Variants in DPYSL3 observed in about 807,000 individuals in gnomAD.
DPYSL3 encodes dihydropyrimidinase-related protein 3.
DPYSL3 carries 16 observed loss-of-function variants against 66.1 expected under a neutral mutation model. That is an observed-to-expected ratio of 0.24 (90% CI 0.16 to 0.37). DPYSL3 has a LOEUF of 0.37. DPYSL3 is among the 10% of genes least tolerant of loss of function. The probability of loss-of-function intolerance (pLI) is 1.00; values close to 1 mark genes in which losing one functional copy is unlikely to be tolerated. For synonymous variants in DPYSL3, 338 were observed against 345.1 expected, an observed-to-expected ratio of 0.98 and a Z score of 0.23; for missense variants, 738 against 916.2, an observed-to-expected ratio of 0.81 and a Z score of 2.51.
chr5:147,402,201 C>T (rs1758201657), intron 8 of DPYSL3, among the ~76,000 whole-genome samples: 1 of 152,146 alleles, frequency 6.6e-6, no homozygotes, highest in African/African-American at 2.4e-5. Flanking sequence ...GCTTTCTTTA[C>T]CTGTTATGCC....
At chr5:147,451,121 C>G (rs1406957102) in intron 1 of DPYSL3, among the ~76,000 whole-genome samples, 1 of 152,152 alleles carries the variant, frequency 6.6e-6, no homozygotes, top group Non-Finnish European at 1.5e-5. Context: ...AAAATAGATT[C>G]CTTGTTCATG....
At chr5:147,501,646 T>C (rs1738339311) in intron 1 of DPYSL3, among the ~76,000 whole-genome samples, 1 of 152,020 alleles carries the variant, frequency 6.6e-6, no homozygotes, top group Non-Finnish European at 1.5e-5. Flanking sequence ...ACTTGGCTAA[T>C]ATTTGTATTT....
At chr5:147,459,412 G>C (rs1019059578) in intron 1 of DPYSL3, among the ~76,000 whole-genome samples, 1 of 152,000 alleles carries the variant, frequency 6.6e-6, no homozygotes, top group Non-Finnish European at 1.5e-5. Flanking sequence ...TTTAATCTTA[G>C]AGCTGCCTTA....
At chr5:147,421,044 G>A (rs986845429) in intron 2 of DPYSL3, among the ~76,000 whole-genome samples, 10 of 152,262 alleles carry the variant, frequency 6.6e-5, no homozygotes, top group South Asian at 4.1e-4. Flanking sequence ...GAAATAAAGC[G>A]TATTCAAATA....
chr5:147,491,916 T>C (rs1386554382), intron 1 of DPYSL3, among the ~76,000 whole-genome samples: 1 of 151,974 alleles, frequency 6.6e-6, no homozygotes, highest in Admixed American at 6.6e-5. Flanking sequence ...CAGATTAACA[T>C]CAGGCACTAA....
intron 1 of DPYSL3, among the ~76,000 whole-genome samples, chr5:147,449,005 T>C (rs1035143281): frequency 3.3e-5 from 5 of 152,232 alleles, no homozygotes; most frequent in African/African-American, 1.2e-4. Flanking sequence ...CAAGATGCCT[T>C]GCACAGAGAG....
At chr5:147,458,654 C>T (rs189573970) in intron 1 of DPYSL3, among the ~76,000 whole-genome samples, 82 of 152,258 alleles carry the variant, frequency 5.4e-4, no homozygotes, top group Non-Finnish European at 9.4e-4. Context: ...TCCCTTCAAA[C>T]GGTGACCATA....
Position 147,497,012 on chromosome 5 carries a change from A to G in DPYSL3, c.381+12466T>C, listed in dbSNP as rs139902235. Among the ~76,000 whole-genome samples, 707 of 152,340 alleles carry G rather than the reference A, an allele frequency of 4.6e-3. 9 individuals carry two copies. The highest frequency in any genetic ancestry group is 0.016 in the African/African-American group (668 of 41,568). ...CTTGGAACCAACCTAAATGTCCAAC[A>G]GCGATAGACTGAATTAAGAAAATGT... On this transcript the variant is annotated intron_variant, in intron 1 of 13. Transcript: ENST00000343218.
intron 8 of DPYSL3, among the ~76,000 whole-genome samples, chr5:147,402,970 G>T (rs2152017959): frequency 6.6e-6 from 1 of 152,174 alleles, no homozygotes; most frequent in Admixed American, 6.5e-5. Flanking sequence ...TTTAACTTTG[G>T]TCCTCCAACT....
chr5:147,434,126 C>T (rs572243068), intron 1 of DPYSL3, among the ~76,000 whole-genome samples: 51 of 152,008 alleles, frequency 3.4e-4, no homozygotes, highest in South Asian at 2.5e-3. Flanking sequence ...CTTGTAATAT[C>T]GATGTACTGT....
chr5:147,479,210 T>C (rs1246717125), intron 1 of DPYSL3, among the ~76,000 whole-genome samples: 1 of 152,166 alleles, frequency 6.6e-6, no homozygotes, highest in East Asian at 1.9e-4. Flanking sequence ...ATACAATTAC[T>C]GAAATGAGGG....
intron 1 of DPYSL3, among the ~76,000 whole-genome samples, chr5:147,483,615 A>G (rs1444513303): frequency 1.3e-5 from 2 of 152,208 alleles, no homozygotes; most frequent in Admixed American, 6.5e-5. Flanking sequence ...CTATGAGTCA[A>G]CCCTGTGGCA....
At chr5:147,427,256 T>G (rs1461484639) in intron 1 of DPYSL3, among the ~76,000 whole-genome samples, 1 of 152,210 alleles carries the variant, frequency 6.6e-6, no homozygotes, top group Non-Finnish European at 1.5e-5. Flanking sequence ...ATAACAATGT[T>G]CTACTGTAGC....
chr5:147,454,359 G>C (rs1752807109), intron 1 of DPYSL3: 1 of 152,244 alleles, frequency 6.6e-6, no homozygotes, highest in African/African-American at 2.4e-5. Flanking sequence ...AGACTGGTCC[G>C]ACTCTGCAAC....
chr5:147,472,289 A>G (rs1326323461), intron 1 of DPYSL3, among the ~76,000 whole-genome samples: 1 of 152,214 alleles, frequency 6.6e-6, no homozygotes, highest in African/African-American at 2.4e-5. Context: ...TCAGAAAGAG[A>G]TGGCTAAGTG....
At chr5:147,499,296 C>G (rs1295549095) in intron 1 of DPYSL3, among the ~76,000 whole-genome samples, 1 of 152,064 alleles carries the variant, frequency 6.6e-6, no homozygotes, top group Non-Finnish European at 1.5e-5. Flanking sequence ...GTGATTATAG[C>G]AAGGTTGCAG....
At chr5:147,440,172 A>G (rs183084071) in intron 1 of DPYSL3, among the ~76,000 whole-genome samples, 3,807 of 152,138 alleles carry the variant, frequency 0.025, 148 homozygotes, top group African/African-American at 0.082. Context: ...GCATGGTGAC[A>G]GGCGCCTGTA....
At chr5:147,435,973 G>A (rs1752407696) in intron 1 of DPYSL3, among the ~76,000 whole-genome samples, 1 of 152,160 alleles carries the variant, frequency 6.6e-6, no homozygotes, top group African/African-American at 2.4e-5. Flanking sequence ...GCTGTATGGA[G>A]AGGGCTGCCT....
At chr5:147,480,703 ATAT>A (rs10665228) in intron 1 of DPYSL3, among the ~76,000 whole-genome samples, 42,364 of 142,194 alleles carry the variant, frequency 0.3, 6,719 homozygotes, top group Admixed American at 0.39. Flanking sequence ...GAATATATAT[ATAT>A]TATTATTATT....
Sources: allele counts gnomAD v4.1 joint callset (sites outside exome capture counted in the v4.1 genomes callset), GRCh38; gene constraint gnomAD v4.1.1; transcripts MANE v1.5; gene names NCBI Gene and HGNC (gene_info 2026-07-23, HGNC 2026-07-21).